The following METTL16 variants were observed in gnomAD, a reference collection of about 807,000 sequenced individuals.
METTL16 encodes the protein methyltransferase 16, RNA N6-adenosine.
A neutral mutation model predicts 57.9 loss-of-function variants in METTL16; 19 were observed. That is an observed-to-expected ratio of 0.33 (90% confidence interval 0.23 to 0.48). The LOEUF is 0.48. Among genes scored for constraint, METTL16 ranks in the 20% least tolerant of loss-of-function variants. The pLI is 0.99. For missense variants in METTL16, 434 were observed against 691.5 expected (o/e 0.63, Z 4.18); for synonymous variants, 246 against 255.6 (o/e 0.96, Z 0.36).
chr17:2,495,703 A>C (rs1234321988), intron 2 of METTL16, among the ~76,000 whole-genome samples: 3 of 151,092 alleles, frequency 2.0e-5, no homozygotes, highest in Non-Finnish European at 1.5e-5. Flanking sequence ...TCAAAAAAAA[A>C]AAAAAAAAGA....
In METTL16 at chr17:2,495,875, G is replaced by A. The variant is rs1296968785; in HGVS notation, c.128+6329C>T. 2.6e-5 allele frequency among the ~76,000 whole-genome samples: 4 copies of A among 151,500 alleles called. 1 individual carries two copies. In the South Asian group the frequency reaches 6.2e-4, roughly 24 times the overall value. ...TGTAATCCCAGCACTTTGGGAGGCC[G>A]AGGCAGGCGGGTCACTTGAGGTCAG... On this transcript the variant is annotated intron_variant, in intron 2 of 9. Transcript: ENST00000263092.
At chr17:2,476,830 C>T (rs1302676771) in intron 3 of METTL16, among the ~76,000 whole-genome samples, 2 of 152,058 alleles carry the variant, frequency 1.3e-5, no homozygotes, top group Non-Finnish European at 1.5e-5. Context: ...GTGGCAGGCA[C>T]CTGTAATCCC....
In METTL16 at chr17:2,473,594, T is replaced by A; in HGVS notation, c.399A>T (p.Glu133Asp). The change falls in exon 4 of 10, where the codon GAA becomes GAT. Residue 133 changes from glutamate (E) to aspartate (D), a missense_variant. By Grantham distance (45) the Glu-to-Asp change is conservative (BLOSUM62 2). Around this residue, in one of 5 missense-constraint regions of METTL16, gnomAD observed 118 missense variants for 280.0 expected, o/e 0.42. Transcript: ENST00000263092. ...CATAGTTGAAACACATATCATCCACTTCTGTTGCGAGGAAATACCAGCCAT... is the reference window on the plus strand; with the variant it reads ...CATAGTTGAAACACATATCATCCACATCTGTTGCGAGGAAATACCAGCCAT... ...TLNGWYFLAT[E>D]VDDMCFNYAK... The A allele has an allele frequency of 6.2e-7, 1 of 1,614,176 alleles. No individual in the cohort carries two copies. Among genetic ancestry groups the A allele is most frequent in the Non-Finnish European group, 8.5e-7 (1 of 1,180,006 alleles).
chr17:2,478,206 TC>T lies in METTL16; in HGVS notation c.129-322del, dbSNP rs555765096. 2.0e-3 allele frequency among the ~76,000 whole-genome samples: 311 copies of T among 152,306 alleles called. 2 individuals carry two copies. Among genetic ancestry groups the T allele is most frequent in the African/African-American group, 7.1e-3 (296 of 41,566 alleles). ...AGTCATTTACCTCTATGAAAGTGTTTCCTCTGCTGTGAAATGAGGACAGTAA... is the reference window on the plus strand; with the variant it reads ...AGTCATTTACCTCTATGAAAGTGTTTCTCTGCTGTGAAATGAGGACAGTAA... On this transcript the variant is annotated intron_variant, in intron 2 of 9. Coordinates refer to ENST00000263092, the MANE Select transcript of METTL16 (RefSeq NM_024086.4).
rs1372234306 is a variant in METTL16, at chr17:2,419,612, T to C, written c.*358A>G. On this transcript the variant is annotated 3_prime_UTR_variant, in exon 10 of 10. Transcript: ENST00000263092. ...CTTGGGTGACAGAGACAGCATGATA[T>C]TCTAGGCAGTGCTGCCCAGCCCAGA... 2 of 486,174 alleles carry C rather than the reference T, an allele frequency of 4.1e-6. No homozygotes were observed. Among genetic ancestry groups the C allele is most frequent in the East Asian group, 6.1e-5 (1 of 16,432 alleles). 30.1% of individuals were successfully genotyped at this position (486,174 alleles called of 1,614,324 possible). A position where few individuals can be genotyped will look rare whatever the true frequency, so the allele number is the denominator to read the frequency against.
rs77645650 is a variant in METTL16 at position 2,490,489 on chromosome 17, C to T, written c.128+11715G>A. ...ACAAGGGCTTAGAAAGATGAGATTACGGACTAATTTCATCTTTTAGGGTGA... is the reference window on the plus strand; with the variant it reads ...ACAAGGGCTTAGAAAGATGAGATTATGGACTAATTTCATCTTTTAGGGTGA... On this transcript the variant is annotated intron_variant, in intron 2 of 9. Coordinates refer to ENST00000263092, the MANE Select transcript of METTL16 (RefSeq NM_024086.4). Among the ~76,000 whole-genome samples the T allele has an allele frequency of 8.9e-3, 1,350 of 152,238 alleles. 22 individuals are homozygous for T. The highest frequency in any genetic ancestry group is 0.031 in the African/African-American group (1,283 of 41,528).
chr17:2,468,192 G>A (rs1485858334), intron 4 of METTL16, among the ~76,000 whole-genome samples: 2 of 152,232 alleles, frequency 1.3e-5, no homozygotes, highest in Non-Finnish European at 2.9e-5. Flanking sequence ...CACACACTAC[G>A]ATGAATCACC....
chr17:2,420,204 G>T lies in METTL16; in HGVS notation c.1455C>A (p.Asn485Lys). 1 of 1,614,208 alleles carries T rather than the reference G, an allele frequency of 6.2e-7. No individual in the cohort carries two copies. Residue 485 changes from asparagine (N) to lysine (K), a missense_variant, in exon 10 of 10, where the codon AAC becomes AAA. Physicochemically the swap from Asn to Lys is moderately conservative, Grantham distance 94. Around this residue, in one of 5 missense-constraint regions of METTL16, gnomAD observed 168 missense variants for 149.6 expected, o/e 1.12. Transcript: ENST00000263092. This position sits in a 1 kb window ranked among gnomAD's most constrained non-coding sequence, Gnocchi z 5.4. The part of the protein sequence containing the change: ...EVLESCQGSS[N>K]GAQDQEASEQ... Reference sequence around the variant, plus strand: ...CAGAAGCCTCTTGGTCCTGGGCTCCGTTGCTAGAGCCTTGACAACTTTCCA... The same window carrying T: ...CAGAAGCCTCTTGGTCCTGGGCTCCTTTGCTAGAGCCTTGACAACTTTCCA...
chr17:2,494,445 G>C (rs754450893), intron 2 of METTL16, among the ~76,000 whole-genome samples: 1 of 152,260 alleles, frequency 6.6e-6, no homozygotes, highest in African/African-American at 2.4e-5. Flanking sequence ...GTGTATTGGT[G>C]CCATTTTTCT....
intron 2 of METTL16, among the ~76,000 whole-genome samples, chr17:2,497,288 G>A (rs2067453236): frequency 6.8e-6 from 1 of 147,696 alleles, no homozygotes; most frequent in Non-Finnish European, 1.5e-5. Flanking sequence ...TTACAGGCGT[G>A]CGCCACTGCA....
At chr17:2,491,059 G>A (rs2067384500) in intron 2 of METTL16, among the ~76,000 whole-genome samples, 1 of 152,108 alleles carries the variant, frequency 6.6e-6, no homozygotes, top group Admixed American at 6.6e-5. Flanking sequence ...TACTTTTGTT[G>A]GGCAAAGTCA....
chr17:2,482,925 T>C (rs2067317303), intron 2 of METTL16, among the ~76,000 whole-genome samples: 3 of 149,378 alleles, frequency 2.0e-5, no homozygotes, highest in African/African-American at 7.4e-5. Flanking sequence ...ATAATAATAA[T>C]AATAATATTA....
At chr17:2,422,263 A>G (rs1187635106) in intron 8 of METTL16, among the ~76,000 whole-genome samples, 20 of 150,102 alleles carry the variant, frequency 1.3e-4, no homozygotes, top group Admixed American at 1.3e-3. Context: ...AGTGAGCCAA[A>G]GGTTGCAGTG....
At chr17:2,447,739 G>T (rs1272384339) in intron 6 of METTL16, among the ~76,000 whole-genome samples, 48 of 133,464 alleles carry the variant, frequency 3.6e-4, no homozygotes, top group Non-Finnish European at 6.3e-4. Context: ...CAGCCGCCCA[G>T]TCCGGGAGGG....
chr17:2,441,409 A>G, intron 7 of METTL16, 81 bp downstream of exon 7: 2 of 987,154 alleles, frequency 2.0e-6, no homozygotes, highest in South Asian at 3.6e-5. Flanking sequence ...AATGCAATAT[A>G]TCAATGTAGC....
rs1012593879 is a variant in METTL16, at chr17:2,416,607, G to C, written c.*3363C>G. On this transcript the variant is annotated 3_prime_UTR_variant, in exon 10 of 10. Coordinates refer to ENST00000263092, the MANE Select transcript of METTL16 (RefSeq NM_024086.4). ...GAAGCAGGCTGACGGAGGCAAAGCA[G>C]ATTCCGAAGAACAAAAGCAGCTTTA... is the stretch of plus-strand genomic sequence containing the variant. 2 of 152,264 alleles carry C rather than the reference G, an allele frequency of 1.3e-5. No individual in the cohort carries two copies. Among genetic ancestry groups the C allele is most frequent in the African/African-American group, 4.8e-5 (2 of 41,444 alleles). 9.4% of individuals were successfully genotyped at this position (152,264 alleles called of 1,614,324 possible).
intron 6 of METTL16, among the ~76,000 whole-genome samples, chr17:2,461,230 G>A (rs1359094949): frequency 2.0e-5 from 3 of 152,084 alleles, no homozygotes; most frequent in Non-Finnish European, 4.4e-5. Flanking sequence ...GGTGGCGCGT[G>A]CCTGTAGTCC....
intron 2 of METTL16, among the ~76,000 whole-genome samples, chr17:2,480,467 C>G (rs1362654843): frequency 6.6e-6 from 1 of 152,166 alleles, no homozygotes; most frequent in Non-Finnish European, 1.5e-5. Flanking sequence ...TGAAGAGACA[C>G]AGCCAGAGCC....
chr17:2,484,716 ACTC>A (rs1567901618), intron 2 of METTL16, among the ~76,000 whole-genome samples: 1 of 151,556 alleles, frequency 6.6e-6, no homozygotes, highest in Admixed American at 6.6e-5. Context: ...CTGGTCTTGA[ACTC>A]CTGACCTCAG....
Sources: gnomAD v4.1 joint callset for allele counts (sites outside exome capture counted in the v4.1 genomes callset) on GRCh38, gnomAD v4.1.1 for gene constraint, gnomAD v4.1.1 regional missense constraint, Gnocchi (gnomAD v3.1) non-coding constraint, MANE v1.5 for transcripts, NCBI Gene and HGNC (gene_info 2026-07-23, HGNC 2026-07-21) for gene names.